The following PTPRG variants were observed in gnomAD, a reference collection of about 807,000 sequenced individuals.
PTPRG encodes protein tyrosine phosphatase receptor type G.
A neutral mutation model predicts 165.3 loss-of-function variants in PTPRG; 102 were observed. The observed-to-expected ratio is 0.62, with a 90% CI of 0.53 to 0.73. PTPRG has a LOEUF of 0.73. Among genes scored for constraint, PTPRG ranks in the 30% least tolerant of loss-of-function variants. PTPRG has a pLI of 0.00. For synonymous variants in PTPRG, 675 were observed against 669.5 expected (o/e 1.01, Z -0.13); for missense variants, 1,866 against 1,861.4 (o/e 1.00, Z -0.05).
At chr3:62,078,016 A>AAT in intron 4 of PTPRG, 147 bp from the exon 5 acceptor site, 2 of 565,628 alleles carry the variant, frequency 3.5e-6, no homozygotes, top group Non-Finnish European at 3.1e-6. Flanking sequence ...AAAAAAAAAA[A>AAT]GTTAGCAAAG....
At chr3:61,650,503 C>T (rs1172728521) in intron 1 of PTPRG, among the ~76,000 whole-genome samples, 1 of 152,168 alleles carries the variant, frequency 6.6e-6, no homozygotes, top group Non-Finnish European at 1.5e-5. Flanking sequence ...TATTAGGATG[C>T]AATAGTTATC....
intron 17 of PTPRG, among the ~76,000 whole-genome samples, chr3:62,266,988 C>G (rs1264527251): frequency 4.0e-5 from 6 of 151,624 alleles, no homozygotes; most frequent in African/African-American, 1.2e-4. Flanking sequence ...AGCAGGGAAT[C>G]CAAGTGAATT....
intron 5 of PTPRG, among the ~76,000 whole-genome samples, chr3:62,114,239 T>C (rs1271701276): frequency 1.3e-5 from 2 of 151,956 alleles, no homozygotes; most frequent in African/African-American, 4.8e-5. Flanking sequence ...GCGGAGGTTG[T>C]AGTGAGCCAA....
intron 2 of PTPRG, among the ~76,000 whole-genome samples, chr3:61,766,054 A>G (rs944179389): frequency 6.6e-6 from 1 of 152,216 alleles, no homozygotes; most frequent in Admixed American, 6.5e-5. Flanking sequence ...AAAAACGTCT[A>G]ATATATCTAT....
At chr3:61,885,208 G>C (rs1293202936) in intron 2 of PTPRG, among the ~76,000 whole-genome samples, 1 of 152,072 alleles carries the variant, frequency 6.6e-6, no homozygotes, top group Non-Finnish European at 1.5e-5. Flanking sequence ...AACTATGACA[G>C]TTTGCTTAGA....
rs144250648 is a variant in PTPRG at position 61,778,436 on chromosome 3, C to T, written c.190+29454C>T. Among the ~76,000 whole-genome samples, 9 of 152,232 alleles carry T rather than the reference C, an allele frequency of 5.9e-5. No individual in the cohort carries two copies. The South Asian group carries it at 1.7e-3, about 28-fold the overall frequency. ...AAAAGCAACTAATCAGAGATACTTT[C>T]AATTTTCCATCTGCTATGCAGAAAA... On this transcript the variant is annotated intron_variant, in intron 2 of 29. Transcript: ENST00000474889.
chr3:62,164,571 T>C (rs551657044), intron 7 of PTPRG, among the ~76,000 whole-genome samples: 1 of 152,312 alleles, frequency 6.6e-6, no homozygotes, highest in Non-Finnish European at 1.5e-5. Flanking sequence ...GTTGACAATA[T>C]AATATCATTC....
chr3:61,703,348 G>T (rs997549037), intron 1 of PTPRG, among the ~76,000 whole-genome samples: 1 of 152,216 alleles, frequency 6.6e-6, no homozygotes, highest in Non-Finnish European at 1.5e-5. Context: ...CGAAAGGGTT[G>T]TAAAGAAATC....
At chr3:62,262,539 T>C in intron 16 of PTPRG, 1 of 337,998 alleles carries the variant, frequency 3.0e-6, no homozygotes, top group Non-Finnish European at 5.3e-6. Context: ...AAAGAGATAT[T>C]GTTTTACATC....
intron 2 of PTPRG, among the ~76,000 whole-genome samples, chr3:61,882,475 A>G (rs140490613): frequency 5.6e-4 from 85 of 152,290 alleles, no homozygotes; most frequent in African/African-American, 1.8e-3. Flanking sequence ...GATCTTGGAG[A>G]TGATGATTTG....
chr3:62,176,186 T>C (rs561973895), intron 8 of PTPRG, among the ~76,000 whole-genome samples: 1 of 152,168 alleles, frequency 6.6e-6, no homozygotes, highest in East Asian at 1.9e-4. Flanking sequence ...ATGATCATAG[T>C]AAAAGTATAA....
intron 6 of PTPRG, among the ~76,000 whole-genome samples, chr3:62,146,650 G>A (rs1044852057): frequency 1.4e-5 from 2 of 144,866 alleles, no homozygotes; most frequent in African/African-American, 2.7e-5. Context: ...AAAAAAATAC[G>A]CCGCCCTCAT....
At chr3:61,906,536 G>A (rs747336172) in intron 2 of PTPRG, among the ~76,000 whole-genome samples, 4 of 152,094 alleles carry the variant, frequency 2.6e-5, no homozygotes, top group African/African-American at 4.8e-5. Context: ...TTGTGAGGTC[G>A]AGGTAGGAGG....
intron 2 of PTPRG, among the ~76,000 whole-genome samples, chr3:61,910,262 C>T (rs1050496110): frequency 2.0e-5 from 3 of 152,154 alleles, no homozygotes; most frequent in Non-Finnish European, 2.9e-5. Flanking sequence ...ATGAATTTTG[C>T]AAATTTAGTG....
At chr3:61,756,276 A>C (rs567076504) in intron 2 of PTPRG, among the ~76,000 whole-genome samples, 36 of 152,238 alleles carry the variant, frequency 2.4e-4, no homozygotes, top group Middle Eastern at 3.4e-3. Context: ...TTGCTACCTA[A>C]ATGTTTTTGG....
Position 62,233,036 on chromosome 3 carries a change from A to C in PTPRG, c.2375+1725A>C, listed in dbSNP as rs1700941999. Among the ~76,000 whole-genome samples the C allele has an allele frequency of 6.6e-6, 1 of 152,178 alleles. No homozygotes were observed. Among genetic ancestry groups the C allele is most frequent in the African/African-American group, 2.4e-5 (1 of 41,452 alleles). Reference sequence around the variant, plus strand: ...TTTTCATGAGGTTGTTGTGAAGATTAAATGGGGGTAGTATATGTAAAATGC... The same window carrying C: ...TTTTCATGAGGTTGTTGTGAAGATTCAATGGGGGTAGTATATGTAAAATGC... On this transcript the variant is annotated intron_variant, in intron 14 of 29. Coordinates refer to ENST00000474889, the MANE Select transcript of PTPRG (RefSeq NM_002841.4). This position sits in a 1 kb window ranked among gnomAD's most constrained non-coding sequence, Gnocchi z 4.7.
At chr3:61,817,960 A>G (rs1022982657) in intron 2 of PTPRG, among the ~76,000 whole-genome samples, 1 of 152,114 alleles carries the variant, frequency 6.6e-6, no homozygotes, top group South Asian at 2.1e-4. Context: ...AGTCAAGTAT[A>G]GACAAGGTTC....
chr3:62,116,997 C>G (rs1702890634), intron 5 of PTPRG, among the ~76,000 whole-genome samples: 1 of 152,174 alleles, frequency 6.6e-6, no homozygotes. Flanking sequence ...TTATATGTCA[C>G]CATATCTATA....
At position 61,919,706 on chromosome 3, in the gene PTPRG, A is replaced by AT. The variant is rs375914715; in HGVS notation, c.191-69910dup. Among the ~76,000 whole-genome samples, 109 of 151,638 alleles carry AT rather than the reference A, an allele frequency of 7.2e-4. 1 individual carries two copies. Among genetic ancestry groups the AT allele is most frequent in the East Asian group, 7.2e-3 (37 of 5,158 alleles). ...TTTCATGTACCTCCTCTAAAGGAAGATTTTTTTTTCTCTGATTGATTTATC... is the reference window on the plus strand; with the variant it reads ...TTTCATGTACCTCCTCTAAAGGAAGATTTTTTTTTTCTCTGATTGATTTATC... On this transcript the variant is annotated intron_variant, in intron 2 of 29. Coordinates refer to ENST00000474889, the MANE Select transcript of PTPRG (RefSeq NM_002841.4).
Sources: allele counts gnomAD v4.1 joint callset (sites outside exome capture counted in the v4.1 genomes callset), GRCh38; gene constraint gnomAD v4.1.1; non-coding constraint Gnocchi (gnomAD v3.1); transcripts MANE v1.5; gene names NCBI Gene and HGNC (gene_info 2026-07-23, HGNC 2026-07-21).